Variants in ADAMTSL1 observed in about 807,000 individuals in gnomAD.
ADAMTSL1 encodes the protein ADAMTS-like protein 1.
ADAMTSL1 carries 126 observed loss-of-function variants against 201.8 expected under a neutral mutation model. The observed-to-expected ratio is 0.62, with a 90% CI of 0.54 to 0.72. ADAMTSL1 has a LOEUF of 0.72. Among genes scored for constraint, ADAMTSL1 ranks in the 30% least tolerant of loss-of-function variants. The probability of loss-of-function intolerance (pLI) is 0.00; values close to 1 mark genes in which losing one functional copy is unlikely to be tolerated. For missense variants in ADAMTSL1, 2,679 were observed against 2,277.8 expected, an observed-to-expected ratio of 1.18 and a Z score of -3.59; for synonymous variants, 1,121 against 903.4, an observed-to-expected ratio of 1.24 and a Z score of -4.32.
chr9:18,299,120 G>A (rs991241661), intron 2 of ADAMTSL1, among the ~76,000 whole-genome samples: 4 of 152,044 alleles, frequency 2.6e-5, no homozygotes, highest in African/African-American at 7.2e-5. Flanking sequence ...AAGTACCGTT[G>A]TTATCACCAT....
At chr9:18,863,031 G>A (rs1366457663) in intron 23 of ADAMTSL1, among the ~76,000 whole-genome samples, 3 of 152,174 alleles carry the variant, frequency 2.0e-5, no homozygotes, top group African/African-American at 7.2e-5. Flanking sequence ...ATTTCCTAGA[G>A]CCTGCCTGCC....
At chr9:18,416,764 TC>T (rs1818694102) in intron 2 of ADAMTSL1, among the ~76,000 whole-genome samples, 1 of 151,962 alleles carries the variant, frequency 6.6e-6, no homozygotes, top group Admixed American at 6.6e-5. Flanking sequence ...TAAAAGAGCT[TC>T]TAAATGCTTA....
chr9:18,459,670 T>C (rs1161271297), intron 2 of ADAMTSL1, among the ~76,000 whole-genome samples: 1 of 152,142 alleles, frequency 6.6e-6, no homozygotes, highest in Non-Finnish European at 1.5e-5. Flanking sequence ...TTGAGCAGTA[T>C]CAAATTTTAC....
chr9:18,854,379 G>T (rs1467165693), intron 23 of ADAMTSL1, among the ~76,000 whole-genome samples: 1 of 152,090 alleles, frequency 6.6e-6, no homozygotes, highest in Non-Finnish European at 1.5e-5. Flanking sequence ...GAAAGGTATG[G>T]TTTTCTTTGG....
intron 2 of ADAMTSL1, among the ~76,000 whole-genome samples, chr9:18,313,421 G>T (rs1834231226): frequency 6.6e-6 from 1 of 152,074 alleles, no homozygotes; most frequent in Non-Finnish European, 1.5e-5. Context: ...AACATTTAAA[G>T]AAGTGGTTCT....
At chr9:18,359,187 G>A (rs1018030162) in intron 2 of ADAMTSL1, among the ~76,000 whole-genome samples, 3 of 152,062 alleles carry the variant, frequency 2.0e-5, no homozygotes, top group Non-Finnish European at 4.4e-5. Flanking sequence ...TACAAAATAA[G>A]CTCTGGTCCT....
intron 23 of ADAMTSL1, among the ~76,000 whole-genome samples, chr9:18,868,355 C>T (rs1029554599): frequency 2.6e-5 from 4 of 152,114 alleles, no homozygotes; most frequent in African/African-American, 7.2e-5. Context: ...CTTGACTTGT[C>T]GAGTAATATT....
intron 15 of ADAMTSL1, among the ~76,000 whole-genome samples, chr9:18,746,962 T>C (rs376860729): frequency 2.0e-5 from 3 of 152,282 alleles, no homozygotes; most frequent in African/African-American, 4.8e-5. Context: ...ACTGCTGCTT[T>C]ACTGAAATAA....
At chr9:18,006,435 C>G (rs1819830560) in intron 1 of ADAMTSL1, among the ~76,000 whole-genome samples, 1 of 151,934 alleles carries the variant, frequency 6.6e-6, no homozygotes, top group Admixed American at 6.6e-5. Flanking sequence ...CTCCAACATA[C>G]CAGTGAATTC....
At chr9:18,260,940 T>C (rs1429487332) in intron 2 of ADAMTSL1, among the ~76,000 whole-genome samples, 1 of 152,012 alleles carries the variant, frequency 6.6e-6, no homozygotes, top group Non-Finnish European at 1.5e-5. Context: ...TGTTCAGCTC[T>C]ATATATTTAG....
At chr9:18,542,829 A>G (rs1171167677) in intron 3 of ADAMTSL1, among the ~76,000 whole-genome samples, 2 of 152,214 alleles carry the variant, frequency 1.3e-5, no homozygotes, top group Non-Finnish European at 2.9e-5. Flanking sequence ...TTTTTTAAAA[A>G]CTGAAAATTA....
intron 1 of ADAMTSL1, among the ~76,000 whole-genome samples, chr9:18,087,625 G>A (rs955039411): frequency 6.6e-6 from 1 of 152,082 alleles, no homozygotes; most frequent in African/African-American, 2.4e-5. Context: ...ACATGTTTGA[G>A]TATAGGATAT....
chr9:18,042,937 C>G (rs1358977900), intron 1 of ADAMTSL1, among the ~76,000 whole-genome samples: 1 of 152,014 alleles, frequency 6.6e-6, no homozygotes, highest in Non-Finnish European at 1.5e-5. Context: ...CACGGGGGAA[C>G]CTATGTAAAT....
chr9:18,075,913 C>G (rs143983984), intron 1 of ADAMTSL1, among the ~76,000 whole-genome samples: 54 of 152,336 alleles, frequency 3.5e-4, no homozygotes, highest in African/African-American at 1.2e-3. Flanking sequence ...CCCAAACCAG[C>G]ATTCAATTTA....
At chr9:18,412,459 CATTT>C (rs1818485012) in intron 2 of ADAMTSL1, among the ~76,000 whole-genome samples, 1 of 152,140 alleles carries the variant, frequency 6.6e-6, no homozygotes, top group Admixed American at 6.5e-5. Context: ...CTGAATCTTG[CATTT>C]ATTAACTCTT....
At chr9:18,174,753 A>G (rs988675748) in intron 2 of ADAMTSL1, among the ~76,000 whole-genome samples, 5 of 152,138 alleles carry the variant, frequency 3.3e-5, no homozygotes, top group Admixed American at 2.0e-4. Flanking sequence ...AAGTGATGCA[A>G]TTTCTAAATG....
intron 10 of ADAMTSL1, among the ~76,000 whole-genome samples, chr9:18,679,976 AT>A (rs1480701998): frequency 6.6e-6 from 1 of 152,232 alleles, no homozygotes; most frequent in Non-Finnish European, 1.5e-5. Context: ...TAAATTTTAT[AT>A]ATACATATCC....
intron 2 of ADAMTSL1, among the ~76,000 whole-genome samples, chr9:18,375,399 T>G (rs749429261): frequency 6.6e-6 from 1 of 152,164 alleles, no homozygotes; most frequent in Non-Finnish European, 1.5e-5. Context: ...AACGTTCAGG[T>G]TTTTGGGCTT....
intron 23 of ADAMTSL1, among the ~76,000 whole-genome samples, chr9:18,854,970 G>A (rs1826748933): frequency 6.6e-6 from 1 of 152,162 alleles, no homozygotes; most frequent in African/African-American, 2.4e-5. Context: ...AAGTCTCAGG[G>A]TGAGGTCTTC....
Sources: allele counts gnomAD v4.1 joint callset (sites outside exome capture counted in the v4.1 genomes callset), GRCh38; gene constraint gnomAD v4.1.1; transcripts MANE v1.5; gene names NCBI Gene and HGNC (gene_info 2026-07-23, HGNC 2026-07-21).